THSD7A: variants seen among roughly 807,000 people sequenced by gnomAD.
The protein encoded by THSD7A is thrombospondin type 1 domain containing 7A.
In THSD7A, 96 loss-of-function variants were observed where a neutral mutation model predicts 231.3. The ratio of observed to expected loss-of-function variants is 0.41; its 90% confidence interval spans 0.35 to 0.49. THSD7A has a LOEUF of 0.49. Among genes scored for constraint, THSD7A ranks in the 20% least tolerant of loss-of-function variants. THSD7A has a pLI of 0.05. For synonymous variants in THSD7A, 940 were observed against 743.3 expected (o/e 1.26, Z -4.30); for missense variants, 2,290 against 2,070.2 (o/e 1.11, Z -2.06).
intron 1 of THSD7A, among the ~76,000 whole-genome samples, chr7:11,790,607 T>G (rs1171660479): frequency 6.6e-6 from 1 of 151,932 alleles, no homozygotes; most frequent in Admixed American, 6.6e-5. Flanking sequence ...TTTCTTAAAT[T>G]TTTTGCTGAA....
At chr7:11,682,673 C>G (rs1038132216) in intron 1 of THSD7A, among the ~76,000 whole-genome samples, 1 of 152,004 alleles carries the variant, frequency 6.6e-6, no homozygotes, top group African/African-American at 2.4e-5. Flanking sequence ...ACTTCAACAT[C>G]CTATTGACAG....
intron 1 of THSD7A, among the ~76,000 whole-genome samples, chr7:11,825,137 A>G (rs1330938320): frequency 6.6e-6 from 1 of 152,138 alleles, no homozygotes; most frequent in African/African-American, 2.4e-5. Context: ...TCTGCAACTT[A>G]TGTCATTTTT....
chr7:11,556,214 T>C (rs1422385575), intron 4 of THSD7A, among the ~76,000 whole-genome samples: 3 of 151,716 alleles, frequency 2.0e-5, no homozygotes, highest in African/African-American at 7.2e-5. Flanking sequence ...TTTGAGTGCA[T>C]GTCCTTCTAT....
chr7:11,565,189 C>T (rs2128331547), intron 4 of THSD7A, among the ~76,000 whole-genome samples: 1 of 152,254 alleles, frequency 6.6e-6, no homozygotes, highest in Admixed American at 6.5e-5. Flanking sequence ...TTAAAATAAG[C>T]AGTCTGGAAT....
intron 4 of THSD7A, among the ~76,000 whole-genome samples, chr7:11,545,040 T>C (rs1283248692): frequency 1.3e-5 from 2 of 152,140 alleles, no homozygotes; most frequent in Non-Finnish European, 1.5e-5. Context: ...CTTCACTCTC[T>C]GAATATAAAA....
At chr7:11,738,161 T>C (rs145333919) in intron 1 of THSD7A, among the ~76,000 whole-genome samples, 51 of 152,150 alleles carry the variant, frequency 3.4e-4, no homozygotes, top group African/African-American at 1.1e-3. Context: ...TACAAAATGC[T>C]TGGGATAAGA....
intron 23 of THSD7A, among the ~76,000 whole-genome samples, chr7:11,394,816 C>T (rs1783118648): frequency 6.6e-6 from 1 of 152,144 alleles, no homozygotes; most frequent in South Asian, 2.1e-4. Flanking sequence ...GTACTCATTT[C>T]ATTCATCGGT....
chr7:11,782,664 G>T lies in THSD7A; in HGVS notation c.190+49093C>A, dbSNP rs189053465. ...AAACTGTTTTAATATTACCTTAAAA[G>T]CAGAATATAATTATAAAATAAAACC... On this transcript the variant is annotated intron_variant, in intron 1 of 27. Transcript: ENST00000423059. 3.4e-3 allele frequency among the ~76,000 whole-genome samples: 515 copies of T among 152,142 alleles called. 1 individual carries two copies. Among genetic ancestry groups the T allele is most frequent in the Non-Finnish European group, 5.7e-3 (389 of 67,962 alleles).
intron 1 of THSD7A, among the ~76,000 whole-genome samples, chr7:11,729,042 C>CA (rs549244518): frequency 5.3e-5 from 8 of 150,968 alleles, no homozygotes; most frequent in South Asian, 4.2e-4. Context: ...CTGCCCTGGT[C>CA]AAAAAAAATG....
intron 6 of THSD7A, among the ~76,000 whole-genome samples, chr7:11,508,900 T>C (rs1787672941): frequency 1.3e-5 from 2 of 152,276 alleles, no homozygotes; most frequent in African/African-American, 4.8e-5. Context: ...GTTAAATTCA[T>C]AGAATCAAAG....
intron 17 of THSD7A, 142 bp from the exon 18 acceptor site, chr7:11,412,942 G>C (rs778332014): frequency 5.0e-6 from 4 of 804,862 alleles, no homozygotes; most frequent in Non-Finnish European, 7.7e-6. Context: ...TTATGCCTCA[G>C]TTGTTCAATG....
intron 2 of THSD7A, among the ~76,000 whole-genome samples, chr7:11,596,771 T>G (rs971990028): frequency 7.2e-5 from 11 of 152,234 alleles, no homozygotes; most frequent in African/African-American, 2.4e-4. Flanking sequence ...ATTAATCAAG[T>G]GGCAACTCCA....
chr7:11,438,931 G>T (rs57187989), intron 13 of THSD7A, among the ~76,000 whole-genome samples: 4,084 of 152,024 alleles, frequency 0.027, 183 homozygotes, highest in African/African-American at 0.093. Flanking sequence ...TACTTTGACA[G>T]ATATATTTTA....
chr7:11,574,715 C>G (rs908001902), intron 4 of THSD7A, among the ~76,000 whole-genome samples: 13 of 151,936 alleles, frequency 8.6e-5, no homozygotes, highest in Non-Finnish European at 1.8e-4. Flanking sequence ...GGATTACAGG[C>G]GTGAGCCACC....
intron 1 of THSD7A, among the ~76,000 whole-genome samples, chr7:11,753,790 CAGAG>C (rs763393318): frequency 7.4e-5 from 11 of 148,834 alleles, no homozygotes; most frequent in South Asian, 6.4e-4. Context: ...GAGAGAGAGA[CAGAG>C]AGAGAGAGAG....
At chr7:11,509,183 T>C (rs1400102397) in intron 6 of THSD7A, among the ~76,000 whole-genome samples, 1 of 152,226 alleles carries the variant, frequency 6.6e-6, no homozygotes, top group African/African-American at 2.4e-5. Flanking sequence ...AAGTTTAATG[T>C]TTTTAGCTTT....
Position 11,401,786 on chromosome 7 carries a change from A to T in THSD7A, c.4411+9T>A, listed in dbSNP as rs1783414326. On this transcript the variant is annotated intron_variant, in intron 23 of 27. Transcript: ENST00000423059. Reference sequence around the variant, plus strand: ...GCTTAAGATAGAGTATATGAACGGTAGCACTCACCATAACATGATTTTGTT... The same window carrying T: ...GCTTAAGATAGAGTATATGAACGGTTGCACTCACCATAACATGATTTTGTT... 1.9e-6 allele frequency: 3 copies of T among 1,609,652 alleles called. No homozygotes were observed. The South Asian group carries it at 3.3e-5, about 18-fold the overall frequency.
Position 11,636,809 on chromosome 7 carries a change from A to T in THSD7A, c.343T>A (p.Cys115Ser). The part of the protein sequence containing the change: ...PNNQQNCFKV[C>S]DWHKELYDWR... ...TCGTACAACTCTTTGTGCCAATCGC[A>T]AACTTTGAAACAATTCTGCTGGTTA... Residue 115 changes from cysteine to serine, a missense_variant, in exon 2 of 28, where the codon TGC becomes AGC. By Grantham distance (112) the Cys-to-Ser change is moderately radical. Coordinates refer to ENST00000423059, the MANE Select transcript of THSD7A (RefSeq NM_015204.3). The surrounding 1 kb of genome is among the most constrained non-coding windows in gnomAD (Gnocchi z 10.0). 5.0e-6 allele frequency: 8 copies of T among 1,613,968 alleles called. No individual in the cohort carries two copies. Among genetic ancestry groups the T allele is most frequent in the Non-Finnish European group, 6.8e-6 (8 of 1,179,876 alleles).
chr7:11,498,650 G>A (rs983759979), intron 6 of THSD7A, among the ~76,000 whole-genome samples: 1 of 152,174 alleles, frequency 6.6e-6, no homozygotes, highest in East Asian at 1.9e-4. Flanking sequence ...TTTTAAAGCA[G>A]GTCCTCATCC....
Sources: allele counts gnomAD v4.1 joint callset (sites outside exome capture counted in the v4.1 genomes callset), GRCh38; gene constraint gnomAD v4.1.1; non-coding constraint Gnocchi (gnomAD v3.1); transcripts MANE v1.5; gene names NCBI Gene and HGNC (gene_info 2026-07-23, HGNC 2026-07-21).